Variants in SLC3A2 observed in about 807,000 individuals in gnomAD.
SLC3A2 encodes solute carrier family 3 member 2, also known as amino acid transporter heavy chain SLC3A2.
In SLC3A2, 32 loss-of-function variants were observed where a neutral mutation model predicts 48.5. That is an observed-to-expected ratio of 0.66 (90% CI 0.50 to 0.89). SLC3A2 has a LOEUF of 0.89. SLC3A2 is among the 40% of genes least tolerant of loss of function. The probability of loss-of-function intolerance (pLI) is 0.00; values close to 1 mark genes in which losing one functional copy is unlikely to be tolerated. For missense variants in SLC3A2, 587 were observed against 680.7 expected (o/e 0.86, Z 1.53); for synonymous variants, 277 against 288.8 (o/e 0.96, Z 0.41).
At chr11:62,887,241 A>T (rs754916932) in intron 7 of SLC3A2, among the ~76,000 whole-genome samples, 1 of 152,086 alleles carries the variant, frequency 6.6e-6, no homozygotes, top group Non-Finnish European at 1.5e-5. Context: ...CTAGGGGATG[A>T]TGGGGCTTGT....
At position 62,885,689 on chromosome 11, in the gene SLC3A2, C is replaced by T. The variant is rs564868470; in HGVS notation, c.1143+81C>T. 8.9e-5 allele frequency: 135 copies of T among 1,511,658 alleles called. 2 individuals are homozygous for T. The highest frequency in any genetic ancestry group is 6.8e-4 in the South Asian group (58 of 85,740). The allele number at this position is 1,511,658 out of a possible 1,614,324, so 93.6% of individuals were successfully genotyped here. A position where few individuals can be genotyped will look rare whatever the true frequency, so the allele number is the denominator to read the frequency against. On this transcript the variant is annotated intron_variant, in intron 7 of 8. Coordinates refer to ENST00000338663, the MANE Select transcript of SLC3A2 (RefSeq NM_001013251.3). ...GATTCTGGGGATGGCGGCACATAGA[C>T]GTGAGCCTTGGGGTGAAAACGCGTT... is the stretch of plus-strand genomic sequence containing the variant.
Position 62,868,862 on chromosome 11 carries a change from T to C in SLC3A2, c.113-12157T>C, listed in dbSNP as rs114192595. ...ACTTTCCAGATTACTAATGAGGTTT[T>C]GTAATCTTTACCATTCTTTTGTATA... On this transcript the variant is annotated intron_variant, in intron 1 of 9. Transcript: ENST00000377889. Among the ~76,000 whole-genome samples the C allele has an allele frequency of 8.2e-3, 1,248 of 152,260 alleles. 19 individuals carry two copies. Among genetic ancestry groups the C allele is most frequent in the African/African-American group, 0.029 (1,201 of 41,570 alleles).
At chr11:62,869,253 C>A (rs535596817) in intron 1 of SLC3A2, among the ~76,000 whole-genome samples, 2 of 151,138 alleles carry the variant, frequency 1.3e-5, no homozygotes, top group South Asian at 4.2e-4. Flanking sequence ...TGGTGGGTGC[C>A]GTGGCTTACA....
intron 1 of SLC3A2, among the ~76,000 whole-genome samples, chr11:62,859,096 T>C (rs1461653579): frequency 1.3e-5 from 2 of 152,148 alleles, no homozygotes; most frequent in Admixed American, 6.5e-5. Flanking sequence ...AGTCAGGTCT[T>C]TCCCTTCCCA....
intron 1 of SLC3A2, among the ~76,000 whole-genome samples, chr11:62,861,644 A>G (rs1318032309): frequency 6.6e-6 from 1 of 152,010 alleles, no homozygotes; most frequent in Non-Finnish European, 1.5e-5. Flanking sequence ...GGTCGGGCAC[A>G]GTGGCTCATG....
At chr11:62,877,133 T>C (rs2085579212), upstream of SLC3A2, among the ~76,000 whole-genome samples, 1 of 151,224 alleles carries the variant, frequency 6.6e-6, no homozygotes, top group Non-Finnish European at 1.5e-5. Context: ...CGATCTGGGC[T>C]CACTGCAACC....
intron 1 of SLC3A2, among the ~76,000 whole-genome samples, chr11:62,870,411 C>T (rs1019220486): frequency 4.6e-5 from 7 of 151,302 alleles, no homozygotes; most frequent in African/African-American, 1.7e-4. Context: ...GTCTTGATCT[C>T]GTGACCTTGT....
At chr11:62,877,057 C>T (rs2085577939), upstream of SLC3A2, among the ~76,000 whole-genome samples, 1 of 149,436 alleles carries the variant, frequency 6.7e-6, no homozygotes, top group Non-Finnish European at 1.5e-5. Flanking sequence ...TTTTCTTCTT[C>T]CTTTTCTTTT....
At chr11:62,883,319 C>G (rs1158793828) in intron 3 of SLC3A2, 1 of 314,114 alleles carries the variant, frequency 3.2e-6, no homozygotes, top group African/African-American at 2.1e-5. Context: ...TGTGAGAATC[C>G]TGTCCTGACT....
chr11:62,881,587 C>A lies in SLC3A2; in HGVS notation c.424+140C>A, dbSNP rs1247539684. On this transcript the variant is annotated intron_variant, in intron 1 of 8. Transcript: ENST00000338663. The surrounding 1 kb of genome is among the most constrained non-coding windows in gnomAD (Gnocchi z 4.0). ...ACGACTGTTCCCCCTTCCCCCACCCCCTCCCCGGCACATTGTCCTTCCCTC... is the reference window on the plus strand; with the variant it reads ...ACGACTGTTCCCCCTTCCCCCACCCACTCCCCGGCACATTGTCCTTCCCTC... The A allele has an allele frequency of 5.8e-6, 7 of 1,201,224 alleles. No homozygotes were observed. The East Asian group carries it at 1.8e-4, about 31-fold the overall frequency. The allele number at this position is 1,201,224 out of a possible 1,614,324, so 74.4% of individuals were successfully genotyped here.
At chr11:62,867,425 A>T (rs959105275) in intron 1 of SLC3A2, among the ~76,000 whole-genome samples, 2 of 146,110 alleles carry the variant, frequency 1.4e-5, no homozygotes, top group Non-Finnish European at 3.0e-5. Flanking sequence ...TCCCGGGTTC[A>T]AGCTATTCTC....
intron 1 of SLC3A2, among the ~76,000 whole-genome samples, chr11:62,858,229 C>T (rs1352997003): frequency 1.3e-5 from 2 of 152,098 alleles, no homozygotes; most frequent in Admixed American, 6.6e-5. Context: ...CTCCAACTCA[C>T]GTACAGAAAT....
upstream of SLC3A2, chr11:62,880,279 G>GT (rs2135005339): frequency 6.6e-6 from 1 of 152,370 alleles, no homozygotes; most frequent in South Asian, 2.1e-4. Flanking sequence ...AAGTATTGTA[G>GT]TGAGTACACA....
intron 1 of SLC3A2, among the ~76,000 whole-genome samples, chr11:62,865,493 T>C (rs1348835061): frequency 6.6e-6 from 1 of 150,520 alleles, no homozygotes; most frequent in Non-Finnish European, 1.5e-5. Context: ...GTGGAGGATG[T>C]TGCAGTGAGC....
At chr11:62,883,215 ACT>A (rs148336191) in intron 3 of SLC3A2, 100,473 of 526,032 alleles carry the variant, frequency 0.19, 11,049 homozygotes, top group Non-Finnish European at 0.23. Flanking sequence ...TATTTCCTTG[ACT>A]CTGAGGATGA....
At chr11:62,887,970 T>G in intron 7 of SLC3A2, 165 bp from the exon 8 acceptor site, 1 of 594,392 alleles carries the variant, frequency 1.7e-6, no homozygotes, top group Non-Finnish European at 3.0e-6. Flanking sequence ...TTTTTAAAAA[T>G]TTTGTAGTAG....
At chr11:62,865,829 G>A (rs1349547601) in intron 1 of SLC3A2, among the ~76,000 whole-genome samples, 1 of 152,022 alleles carries the variant, frequency 6.6e-6, no homozygotes, top group Non-Finnish European at 1.5e-5. Context: ...GCATATTTCT[G>A]GCTTTTGGCA....
chr11:62,871,998 C>T (rs760019517), intron 1 of SLC3A2, among the ~76,000 whole-genome samples: 10 of 152,102 alleles, frequency 6.6e-5, no homozygotes, highest in Middle Eastern at 3.4e-3. Context: ...CTGCAACCTC[C>T]GCCTCCTGGG....
chr11:62,882,803 A>G (rs1441110702), intron 2 of SLC3A2, 105 bp from the exon 3 acceptor site: 1 of 966,222 alleles, frequency 1.0e-6, no homozygotes, highest in East Asian at 2.4e-5. Flanking sequence ...AAGCTTTTGT[A>G]CCAAGTAATA....
Sources: gnomAD v4.1 joint callset for allele counts (sites outside exome capture counted in the v4.1 genomes callset) on GRCh38, gnomAD v4.1.1 for gene constraint, Gnocchi (gnomAD v3.1) non-coding constraint, MANE v1.5 for transcripts, NCBI Gene and HGNC (gene_info 2026-07-23, HGNC 2026-07-21) for gene names.